The following CFDP1 variants were observed in gnomAD, a reference collection of about 807,000 sequenced individuals.
The protein encoded by CFDP1 is chromatin remodeling protein CFDP1.
CFDP1 carries 31 observed loss-of-function variants against 40.1 expected under a neutral mutation model. That is an observed-to-expected ratio of 0.77 (90% CI 0.58 to 1.04). CFDP1 has a LOEUF of 1.04. Ranked by LOEUF, CFDP1 falls within the 50% of genes least tolerant of loss-of-function variation. The pLI, the probability that CFDP1 is intolerant of heterozygous loss-of-function variation, is 0.00. For synonymous variants in CFDP1, 167 were observed against 120.0 expected, an observed-to-expected ratio of 1.39 and a Z score of -2.56; for missense variants, 423 against 343.4, an observed-to-expected ratio of 1.23 and a Z score of -1.83.
At chr16:75,413,334 C>T (rs192288278) in intron 2 of CFDP1, among the ~76,000 whole-genome samples, 30 of 152,196 alleles carry the variant, frequency 2.0e-4, no homozygotes, top group African/African-American at 6.7e-4. Context: ...TCTGGGAGGC[C>T]AAGGCCCACA....
intron 5 of CFDP1, among the ~76,000 whole-genome samples, chr16:75,377,243 G>A (rs2078807446): frequency 6.6e-6 from 1 of 152,212 alleles, no homozygotes; most frequent in Admixed American, 6.5e-5. Flanking sequence ...AAAGTCAAAT[G>A]CTATGGGAAC....
intron 5 of CFDP1, among the ~76,000 whole-genome samples, chr16:75,309,819 C>CAAA (rs1156624164): frequency 0.022 from 1,012 of 46,438 alleles, 176 homozygotes; most frequent in Middle Eastern, 0.036. Context: ...GACTCCATCT[C>CAAA]AAAAAAAAAA....
intron 5 of CFDP1, among the ~76,000 whole-genome samples, chr16:75,344,292 T>G (rs2078546875): frequency 6.6e-6 from 1 of 152,212 alleles, no homozygotes; most frequent in South Asian, 2.1e-4. Flanking sequence ...CACAACACTG[T>G]GTATGTACGA....
At chr16:75,342,619 A>C (rs574962748) in intron 5 of CFDP1, among the ~76,000 whole-genome samples, 7 of 152,274 alleles carry the variant, frequency 4.6e-5, no homozygotes, top group Non-Finnish European at 7.4e-5. Flanking sequence ...CGTGGGCTCT[A>C]TCTGCATACT....
chr16:75,317,771 G>A (rs186979144), intron 5 of CFDP1, among the ~76,000 whole-genome samples: 125 of 152,156 alleles, frequency 8.2e-4, no homozygotes, highest in African/African-American at 2.9e-3. Context: ...AGTCACAGCC[G>A]CAGAGGCCAA....
intron 4 of CFDP1, among the ~76,000 whole-genome samples, chr16:75,397,312 C>T (rs1404690283): frequency 2.7e-5 from 4 of 150,694 alleles, no homozygotes; most frequent in South Asian, 2.1e-4. Flanking sequence ...GTCAGGAGTT[C>T]GAGACCAGCC....
intron 5 of CFDP1, among the ~76,000 whole-genome samples, chr16:75,372,792 C>T (rs767772346): frequency 9.2e-5 from 14 of 152,124 alleles, no homozygotes; most frequent in Admixed American, 2.0e-4. Context: ...AGAAAATGCA[C>T]GCACACACAA....
At chr16:75,319,997 A>G (rs2078350731) in intron 5 of CFDP1, among the ~76,000 whole-genome samples, 1 of 152,262 alleles carries the variant, frequency 6.6e-6, no homozygotes, top group Non-Finnish European at 1.5e-5. Flanking sequence ...AGCCATCTGT[A>G]AACCACAACA....
intron 5 of CFDP1, among the ~76,000 whole-genome samples, chr16:75,312,733 T>C (rs2078301810): frequency 6.6e-6 from 1 of 152,212 alleles, no homozygotes; most frequent in South Asian, 2.1e-4. Flanking sequence ...GCCTCTCAGC[T>C]GACTGTCAGG....
chr16:75,345,019 G>A (rs1233553043), intron 5 of CFDP1, among the ~76,000 whole-genome samples: 1 of 152,118 alleles, frequency 6.6e-6, no homozygotes. Context: ...CACCTTGAGA[G>A]ACTGAAGTGG....
intron 5 of CFDP1, among the ~76,000 whole-genome samples, chr16:75,392,385 A>G (rs569037087): frequency 4.3e-4 from 65 of 152,044 alleles, no homozygotes; most frequent in African/African-American, 1.5e-3. Context: ...AGCCCAGGAA[A>G]CAGTGCGAGA....
intron 5 of CFDP1, among the ~76,000 whole-genome samples, chr16:75,361,949 C>A (rs1031262548): frequency 2.0e-5 from 3 of 152,228 alleles, no homozygotes; most frequent in African/African-American, 7.2e-5. Flanking sequence ...CTCAGGAAAA[C>A]AAGCAAAAGA....
chr16:75,337,846 C>G (rs3863445), intron 5 of CFDP1, among the ~76,000 whole-genome samples: 74,136 of 151,976 alleles, frequency 0.49, 19,867 homozygotes, highest in Admixed American at 0.63. Flanking sequence ...GGGCGGGGCA[C>G]TAATCCAAAC....
At chr16:75,324,066 G>C (rs77855164) in intron 5 of CFDP1, among the ~76,000 whole-genome samples, 2,436 of 152,310 alleles carry the variant, frequency 0.016, 63 homozygotes, top group African/African-American at 0.054. Flanking sequence ...CAGTGTGCCA[G>C]ACTCTTTTTT....
At chr16:75,297,164 G>C (rs1237358617) in intron 6 of CFDP1, among the ~76,000 whole-genome samples, 1 of 132,290 alleles carries the variant, frequency 7.6e-6, no homozygotes, top group South Asian at 2.6e-4. Flanking sequence ...GTGTGTGTGT[G>C]TCTGTGTGTG....
chr16:75,424,416 C>A (rs2079311038), intron 1 of CFDP1, among the ~76,000 whole-genome samples: 1 of 152,200 alleles, frequency 6.6e-6, no homozygotes. Flanking sequence ...CTATAGCTAA[C>A]ACCACATCAA....
intron 5 of CFDP1, among the ~76,000 whole-genome samples, chr16:75,360,763 A>G (rs2078675223): frequency 6.6e-6 from 1 of 152,228 alleles, no homozygotes; most frequent in African/African-American, 2.4e-5. Flanking sequence ...TTAAAAGAAC[A>G]AGCTACCTTA....
At chr16:75,340,367 T>C (rs1173122178) in intron 5 of CFDP1, among the ~76,000 whole-genome samples, 3 of 152,234 alleles carry the variant, frequency 2.0e-5, no homozygotes, top group Non-Finnish European at 4.4e-5. Context: ...ATTTCTCTTC[T>C]CTAGTAAGCT....
At chr16:75,431,211 G>A (rs1440980753) in intron 1 of CFDP1, among the ~76,000 whole-genome samples, 1 of 151,858 alleles carries the variant, frequency 6.6e-6, no homozygotes, top group African/African-American at 2.4e-5. Context: ...CAGCACTCAG[G>A]GAGGCCGAGG....
Sources: gnomAD v4.1 joint callset for allele counts (sites outside exome capture counted in the v4.1 genomes callset) on GRCh38, gnomAD v4.1.1 for gene constraint, MANE v1.5 for transcripts, NCBI Gene and HGNC (gene_info 2026-07-23, HGNC 2026-07-21) for gene names.